RASSF1: variants seen among roughly 807,000 people sequenced by gnomAD.
The protein encoded by RASSF1 is ras association domain-containing protein 1.
RASSF1 carries 33 observed loss-of-function variants against 34.3 expected under a neutral mutation model. The observed-to-expected ratio is 0.96, with a 90% CI of 0.73 to 1.29. The LOEUF (loss-of-function observed/expected upper bound fraction) is 1.29. RASSF1 is among the 50% of genes most tolerant of loss of function. The probability of loss-of-function intolerance (pLI) is 0.00; values close to 1 mark genes in which losing one functional copy is unlikely to be tolerated. For synonymous variants in RASSF1, 191 were observed against 195.0 expected (o/e 0.98, Z 0.17); for missense variants, 445 against 471.8 (o/e 0.94, Z 0.53).
In RASSF1 at chr3:50,339,711, C is replaced by G. The variant is rs1297007089; in HGVS notation, c.250+845G>C. ...ATTCTGTCACAACTTTGTGCTCCCC[C>G]CAGCTGAATTTGTGATGTCCTCTTG... On this transcript the variant is annotated intron_variant, in intron 1 of 5. Transcript: ENST00000359365. 3.3e-5 allele frequency among the ~76,000 whole-genome samples: 5 copies of G among 152,290 alleles called. No individual in the cohort carries two copies. The South Asian group carries it at 1.0e-3, about 32-fold the overall frequency.
At chr3:50,335,310 TTTC>T (rs1207622590) in intron 2 of RASSF1, among the ~76,000 whole-genome samples, 17 of 145,042 alleles carry the variant, frequency 1.2e-4, no homozygotes, top group African/African-American at 3.9e-4. Flanking sequence ...CCTCCTATTC[TTTC>T]TTTTTTTTTT....
intron 3 of RASSF1, 38 bp downstream of exon 3, chr3:50,332,012 G>A (rs976937124): frequency 2.5e-6 from 4 of 1,603,370 alleles, no homozygotes; most frequent in African/African-American, 1.3e-5. Flanking sequence ...CTGGGTACCT[G>A]CTCCTCCCCA....
chr3:50,332,188 T>G (rs1702977142), intron 2 of RASSF1, 34 bp from the exon 3 acceptor site: 3 of 1,592,046 alleles, frequency 1.9e-6, no homozygotes, highest in Non-Finnish European at 2.6e-6. Flanking sequence ...ACAGGGCCCT[T>G]GAGGAACCCA....
Position 50,340,557 on chromosome 3 carries a change from C to T in RASSF1, c.249G>A (p.Ala83=), listed in dbSNP as rs749206452. ...TAGGCGCGCGGGGCCACTACTCACG[C>T]GCGCACTGCAGGCCTTTGCGCACGA... is the stretch of plus-strand genomic sequence containing the variant. ...WGVVRKGLQC[A]HCKFTCHYRC... is the part of the protein sequence containing the mutation. The change falls in exon 1 of 6, where the codon GCG becomes GCA. Residue 83 remains alanine (A), a splice_region_variant and synonymous_variant. Coordinates refer to ENST00000359365, the MANE Select transcript of RASSF1 (RefSeq NM_007182.5). 12 of 1,522,820 alleles carry T rather than the reference C, an allele frequency of 7.9e-6. No individual in the cohort carries two copies. The South Asian group carries it at 8.4e-5, about 11-fold the overall frequency. 94.3% of individuals were successfully genotyped at this position (1,522,820 alleles called of 1,614,324 possible). A position where few individuals can be genotyped will look rare whatever the true frequency, so the allele number is the denominator to read the frequency against.
rs1475637477 is a variant in RASSF1, at chr3:50,340,507, C to G, written c.250+49G>C. 2.1e-6 allele frequency: 3 copies of G among 1,412,816 alleles called. No homozygotes were observed. The Admixed American group carries it at 9.4e-5, about 44-fold the overall frequency. 87.5% of individuals were successfully genotyped at this position (1,412,816 alleles called of 1,614,324 possible). A position where few individuals can be genotyped will look rare whatever the true frequency, so the allele number is the denominator to read the frequency against. On this transcript the variant is annotated intron_variant, in intron 1 of 5. Coordinates refer to ENST00000359365, the MANE Select transcript of RASSF1 (RefSeq NM_007182.5). ...ACTTGACCCGCGGCGACTGCGCTGCCCCTTGGCTGCCCCTTCCGCTCTCGT... is the reference window on the plus strand; with the variant it reads ...ACTTGACCCGCGGCGACTGCGCTGCGCCTTGGCTGCCCCTTCCGCTCTCGT...
chr3:50,332,219 C>T, intron 2 of RASSF1, 65 bp from the exon 3 acceptor site: 1 of 1,442,572 alleles, frequency 6.9e-7, no homozygotes. Context: ...GAAAAATGGC[C>T]TCTGGGGCAG....
Position 50,332,033 on chromosome 3 carries a change from C to A in RASSF1, c.462+17G>T. The stretch of plus-strand genomic sequence containing the variant: ...ACCTGCTCCTCCCCACGCCCCCTTC[C>A]TGAGCAGTCAACTCACCAAGCTCAT... On this transcript the variant is annotated intron_variant, in intron 3 of 5. Transcript: ENST00000359365. The A allele has an allele frequency of 6.2e-7, 1 of 1,611,558 alleles. No individual in the cohort carries two copies.
intron 1 of RASSF1, 88 bp downstream of exon 1, chr3:50,340,468 C>A (rs945784423): frequency 7.3e-6 from 10 of 1,369,484 alleles, no homozygotes; most frequent in Non-Finnish European, 6.6e-6. Flanking sequence ...TCCCCGCCGA[C>A]CCCCTCTGCC....
chr3:50,331,725 G>A lies in RASSF1; in HGVS notation c.594C>T (p.Val198=). The part of the protein sequence containing the change: ...ARRGPGRGTS[V]RRRTSFYLPK... ...GCAGGTAAAAGGAAGTGCGGCGCCT[G>A]ACACTTGTGCCCCGTCCTGGGCCCC... The change falls in exon 4 of 6, where the codon GTC becomes GTT. Residue 198 remains valine (V), a synonymous_variant. Coordinates refer to ENST00000359365, the MANE Select transcript of RASSF1 (RefSeq NM_007182.5). 4 of 1,613,178 alleles carry A rather than the reference G, an allele frequency of 2.5e-6. No individual in the cohort carries two copies. Among genetic ancestry groups the A allele is most frequent in the Non-Finnish European group, 2.5e-6 (3 of 1,179,468 alleles).
In RASSF1 at chr3:50,340,618, G is replaced by C. The variant is rs587735409; in HGVS notation, c.188C>G (p.Thr63Arg). ...GAAGTCGCCACAGAGGTCGCACCAC[G>C]TGTGCGTGGCGGGCCCCGCGGGCTG... ...RFQPAGPATHTWCDLCGDFIW... is the reference protein window; with the variant it reads ...RFQPAGPATHRWCDLCGDFIW... The change falls in exon 1 of 6, where the codon ACG becomes AGG. Residue 63 changes from threonine (T) to arginine (R), a missense_variant. Physicochemically the swap from Thr to Arg is moderately conservative, Grantham distance 71 (BLOSUM62 -1). Coordinates refer to ENST00000359365, the MANE Select transcript of RASSF1 (RefSeq NM_007182.5). 6.5e-7 allele frequency: 1 copy of C among 1,536,920 alleles called. No homozygotes were observed. Among genetic ancestry groups the C allele is most frequent in the African/African-American group, 1.4e-5 (1 of 70,120 alleles).
intron 1 of RASSF1, among the ~76,000 whole-genome samples, chr3:50,338,455 T>G (rs1480357850): frequency 6.6e-6 from 1 of 152,184 alleles, no homozygotes; most frequent in East Asian, 1.9e-4. Flanking sequence ...AATTTTTGTA[T>G]TTTTAGTAGA....
chr3:50,330,569 G>C lies in RASSF1; in HGVS notation c.*12C>G. ...TGCCTGCTGTCTGCCTTCCACCTGGGGGTACAAGAGGTCACCCAAGGGGGC... is the reference window on the plus strand; with the variant it reads ...TGCCTGCTGTCTGCCTTCCACCTGGCGGTACAAGAGGTCACCCAAGGGGGC... On this transcript the variant is annotated 3_prime_UTR_variant, in exon 6 of 6. Coordinates refer to ENST00000359365, the MANE Select transcript of RASSF1 (RefSeq NM_007182.5). The surrounding 1 kb of genome is among the most constrained non-coding windows in gnomAD (Gnocchi z 4.5). The C allele has an allele frequency of 6.2e-7, 1 of 1,613,616 alleles. No homozygotes were observed. The highest frequency in any genetic ancestry group is 8.5e-7 in the Non-Finnish European group (1 of 1,179,854).
intron 2 of RASSF1, among the ~76,000 whole-genome samples, chr3:50,335,537 TC>T (rs1472241119): frequency 2.0e-5 from 3 of 152,184 alleles, no homozygotes; most frequent in Non-Finnish European, 2.9e-5. Flanking sequence ...CTGGCAGGTC[TC>T]GAACTCTTGG....
chr3:50,340,032 C>G (rs587673137), intron 1 of RASSF1, among the ~76,000 whole-genome samples: 2 of 152,306 alleles, frequency 1.3e-5, no homozygotes, highest in East Asian at 3.9e-4. Context: ...AGAAGGACTG[C>G]TGGGTGTGTG....
In RASSF1 at chr3:50,330,386, G is replaced by A; in HGVS notation, c.*195C>T. 1.4e-6 allele frequency: 1 copy of A among 739,376 alleles called. No individual in the cohort carries two copies. Among genetic ancestry groups the A allele is most frequent in the Admixed American group, 2.9e-5 (1 of 34,438 alleles). The allele number at this position is 739,376 out of a possible 1,614,324, so 45.8% of individuals were successfully genotyped here. On this transcript the variant is annotated 3_prime_UTR_variant, in exon 6 of 6. Coordinates refer to ENST00000359365, the MANE Select transcript of RASSF1 (RefSeq NM_007182.5). The surrounding 1 kb of genome is among the most constrained non-coding windows in gnomAD (Gnocchi z 4.5). Reference sequence around the variant, plus strand: ...AAGGCCCAGTAATGAGGGCAGAGGGGTGCAGAGCCATACCTGGCTACACCC... The same window carrying A: ...AAGGCCCAGTAATGAGGGCAGAGGGATGCAGAGCCATACCTGGCTACACCC...
chr3:50,337,061 G>A, intron 2 of RASSF1: 1 of 1,337,332 alleles, frequency 7.5e-7, no homozygotes, highest in Non-Finnish European at 9.8e-7. Context: ...GGGGAGCCAC[G>A]TAGCCAGGAG....
chr3:50,331,865 A>G lies in RASSF1; in HGVS notation c.463-9T>C, dbSNP rs760404913. On this transcript the variant is annotated splice_polypyrimidine_tract_variant and intron_variant, in intron 3 of 5. Transcript: ENST00000359365. ...TAAGAACCGTCCTTGTTCTAAAGAA[A>G]TAGAGAAACCAAACCTTGATAATAG... The G allele has an allele frequency of 3.8e-5, 59 of 1,552,100 alleles. 2 individuals carry two copies. The South Asian group carries it at 7.1e-4, about 19-fold the overall frequency.
chr3:50,337,591 G>A (rs774591548), intron 2 of RASSF1: 10 of 1,267,516 alleles, frequency 7.9e-6, no homozygotes, highest in Admixed American at 2.4e-5. Context: ...GGGAACGGGG[G>A]CGGGTGCCAG....
chr3:50,337,561 C>A, intron 2 of RASSF1: 1 of 1,430,370 alleles, frequency 7.0e-7, no homozygotes. Context: ...GAGCTCCACT[C>A]ACAGACCCCA....
Sources: allele counts gnomAD v4.1 joint callset (sites outside exome capture counted in the v4.1 genomes callset), GRCh38; gene constraint gnomAD v4.1.1; non-coding constraint Gnocchi (gnomAD v3.1); transcripts MANE v1.5; gene names NCBI Gene and HGNC (gene_info 2026-07-23, HGNC 2026-07-21).